The following GLDC variants were observed in gnomAD, a reference collection of about 807,000 sequenced individuals.
GLDC encodes the protein glycine dehydrogenase (decarboxylating), mitochondrial.
A neutral mutation model predicts 121.3 loss-of-function variants in GLDC; 104 were observed. The ratio of observed to expected loss-of-function variants is 0.86; its 90% CI spans 0.73 to 1.01. GLDC has a LOEUF of 1.01. GLDC is among the 50% of genes least tolerant of loss of function. The pLI is 0.00. For synonymous variants in GLDC, 546 were observed against 480.6 expected, an observed-to-expected ratio of 1.14 and a Z score of -1.78; for missense variants, 1,429 against 1,306.6, an observed-to-expected ratio of 1.09 and a Z score of -1.44.
chr9:6,545,805 T>G (rs947628981), intron 21 of GLDC, among the ~76,000 whole-genome samples: 1 of 152,068 alleles, frequency 6.6e-6, no homozygotes, highest in Non-Finnish European at 1.5e-5. Context: ...CATGCCTGGC[T>G]AATTTTTGTA....
chr9:6,636,542 A>G (rs1186457113), intron 2 of GLDC, among the ~76,000 whole-genome samples: 5 of 152,144 alleles, frequency 3.3e-5, no homozygotes, highest in South Asian at 2.1e-4. Flanking sequence ...TGGGAGGCAG[A>G]GTCGGAAGGA....
intron 15 of GLDC, among the ~76,000 whole-genome samples, chr9:6,582,887 A>T (rs1215230119): frequency 6.6e-6 from 1 of 152,178 alleles, no homozygotes; most frequent in East Asian, 1.9e-4. Flanking sequence ...AAACCCAATT[A>T]AAAAATGGGC....
At chr9:6,545,198 T>C (rs1817362588) in intron 21 of GLDC, among the ~76,000 whole-genome samples, 1 of 152,202 alleles carries the variant, frequency 6.6e-6, no homozygotes, top group Non-Finnish European at 1.5e-5. Context: ...ATGAAGGGAA[T>C]ACGTTCTGAG....
intron 15 of GLDC, among the ~76,000 whole-genome samples, chr9:6,577,540 T>C (rs1179097240): frequency 6.6e-6 from 1 of 152,220 alleles, no homozygotes; most frequent in Non-Finnish European, 1.5e-5. Flanking sequence ...CATAAAAATA[T>C]CTTTTTTGAA....
At chr9:6,611,400 C>CA (rs1291765709) in intron 3 of GLDC, among the ~76,000 whole-genome samples, 1 of 152,150 alleles carries the variant, frequency 6.6e-6, no homozygotes, top group Non-Finnish European at 1.5e-5. Context: ...ACTAAAAATA[C>CA]AAACAATTAG....
intron 2 of GLDC, among the ~76,000 whole-genome samples, chr9:6,625,094 C>A (rs1819203976): frequency 6.6e-6 from 1 of 152,168 alleles, no homozygotes; most frequent in African/African-American, 2.4e-5. Context: ...CCAATAGCAT[C>A]ATTCTCTTTA....
intron 15 of GLDC, 124 bp downstream of exon 15, chr9:6,587,017 G>C (rs774633703): frequency 7.6e-6 from 6 of 793,388 alleles, no homozygotes; most frequent in Non-Finnish European, 1.3e-5. Flanking sequence ...CTCCCCAGTG[G>C]AGTGGAACTG....
intron 21 of GLDC, among the ~76,000 whole-genome samples, chr9:6,547,543 T>C (rs1214175764): frequency 2.6e-5 from 4 of 152,136 alleles, no homozygotes; most frequent in Non-Finnish European, 5.9e-5. Context: ...ACAAAGTCTC[T>C]GGGAAAAAAA....
rs78650694 is a variant in GLDC, at chr9:6,588,820, C to T, written c.1581-118G>A. 6,339 of 742,494 alleles carry T rather than the reference C, an allele frequency of 8.5e-3. 109 individuals are homozygous for T. The highest frequency in any genetic ancestry group is 0.059 in the African/African-American group (3,434 of 57,912). The allele number at this position is 742,494 out of a possible 1,614,324, so 46.0% of individuals were successfully genotyped here. A position where few individuals can be genotyped will look rare whatever the true frequency, so the allele number is the denominator to read the frequency against. ...TCAAAATGCAGATCAATTTTGGCCA[C>T]GGACAATATGTCAACTACACTCAGA... On this transcript the variant is annotated intron_variant, in intron 12 of 24. Coordinates refer to ENST00000321612, the MANE Select transcript of GLDC (RefSeq NM_000170.3).
intron 16 of GLDC, among the ~76,000 whole-genome samples, chr9:6,560,314 G>A (rs1203303343): frequency 1.3e-5 from 2 of 152,256 alleles, no homozygotes; most frequent in South Asian, 2.1e-4. Flanking sequence ...AACAGCAAAG[G>A]AGTCTACTTA....
At chr9:6,617,917 C>G (rs954124933) in intron 3 of GLDC, among the ~76,000 whole-genome samples, 2 of 152,214 alleles carry the variant, frequency 1.3e-5, no homozygotes, top group African/African-American at 4.8e-5. Flanking sequence ...AGCCTGCATT[C>G]CCTTAAGTAA....
rs1286626531 is a variant in GLDC, at chr9:6,550,900, C to T, written c.2472G>A (p.Lys824=). The T allele has an allele frequency of 1.9e-6, 3 of 1,609,492 alleles. No homozygotes were observed. The highest frequency in any genetic ancestry group is 2.2e-5 in the East Asian group (1 of 44,844). Residue 824 remains lysine (K), a synonymous_variant, in exon 21 of 25, where the codon AAG becomes AAA. Transcript: ENST00000321612. ...SWAYIKMMGG[K]GLKQATETAI... is the part of the protein sequence containing the mutation. ...CAGTTTCCGTGGCTTGTTTAAGACCCTTGCCTCCCATCATCTGCAACAAAG... is the reference window on the plus strand; with the variant it reads ...CAGTTTCCGTGGCTTGTTTAAGACCTTTGCCTCCCATCATCTGCAACAAAG...
intron 15 of GLDC, among the ~76,000 whole-genome samples, chr9:6,568,548 GA>G (rs1817893946): frequency 6.6e-6 from 1 of 152,152 alleles, no homozygotes; most frequent in Non-Finnish European, 1.5e-5. Context: ...AACTGTCCTA[GA>G]AAAACAAGGC....
intron 3 of GLDC, among the ~76,000 whole-genome samples, chr9:6,614,553 CTT>C (rs58682628): frequency 0.026 from 3,628 of 139,238 alleles, 139 homozygotes; most frequent in African/African-American, 0.088. Context: ...GGGTTTCAAT[CTT>C]TTTTTTTTTT....
At position 6,645,002 on chromosome 9, in the gene GLDC, GGGT is replaced by G. The variant is rs144456963; in HGVS notation, c.255+240_255+242del. Among the ~76,000 whole-genome samples the G allele has an allele frequency of 0.013, 2,000 of 152,316 alleles. 52 individuals are homozygous for G. The highest frequency in any genetic ancestry group is 0.046 in the African/African-American group (1,898 of 41,562). On this transcript the variant is annotated intron_variant, in intron 1 of 24. Coordinates refer to ENST00000321612, the MANE Select transcript of GLDC (RefSeq NM_000170.3). ...CCATCCACAGGGCCACTTGGGCTGG[GGGT>G]GGTTTAAAAATGTACACTTTTGAGG... is the stretch of plus-strand genomic sequence containing the variant.
intron 9 of GLDC, 126 bp from the exon 10 acceptor site, chr9:6,593,116 G>A: frequency 1.1e-6 from 1 of 949,434 alleles, no homozygotes; most frequent in Non-Finnish European, 1.7e-6. Flanking sequence ...GTGCTTTGGT[G>A]ATTGCTTTTT....
intron 15 of GLDC, chr9:6,565,713 T>C (rs1817842575): frequency 1.7e-6 from 1 of 581,658 alleles, no homozygotes; most frequent in Admixed American, 3.1e-5. Flanking sequence ...GAAAATAGCC[T>C]TTTGTTATTA....
intron 7 of GLDC, among the ~76,000 whole-genome samples, chr9:6,603,848 G>A (rs2129892631): frequency 6.6e-6 from 1 of 150,476 alleles, no homozygotes; most frequent in South Asian, 2.1e-4. Flanking sequence ...TCCTGCCTCT[G>A]CCTCCCAAGT....
intron 15 of GLDC, among the ~76,000 whole-genome samples, chr9:6,571,787 G>T (rs1817972466): frequency 6.6e-6 from 1 of 152,154 alleles, no homozygotes; most frequent in African/African-American, 2.4e-5. Context: ...ATGGGTAACT[G>T]AAACTGCAAA....
Sources: allele counts gnomAD v4.1 joint callset (sites outside exome capture counted in the v4.1 genomes callset), GRCh38; gene constraint gnomAD v4.1.1; transcripts MANE v1.5; gene names NCBI Gene and HGNC (gene_info 2026-07-23, HGNC 2026-07-21).